The following TRAPPC9 variants were observed in gnomAD, a reference collection of about 807,000 sequenced individuals.
TRAPPC9 encodes trafficking protein particle complex subunit 9, also known as IKK2 binding protein.
A neutral mutation model predicts 124.0 loss-of-function variants in TRAPPC9; 83 were observed. The observed-to-expected ratio is 0.67, with a 90% confidence interval of 0.56 to 0.80. The LOEUF (loss-of-function observed/expected upper bound fraction) is 0.80, where lower values mean the gene tolerates loss of function less well. Among genes scored for constraint, TRAPPC9 ranks in the 30% least tolerant of loss-of-function variants. The probability of loss-of-function intolerance (pLI) is 0.00; values close to 1 mark genes in which losing one functional copy is unlikely to be tolerated. For synonymous variants in TRAPPC9, 638 were observed against 617.5 expected (o/e 1.03, Z -0.49); for missense variants, 1,302 against 1,508.3 (o/e 0.86, Z 2.27).
intron 16 of TRAPPC9, among the ~76,000 whole-genome samples, chr8:140,229,624 A>G (rs1276236282): frequency 6.6e-6 from 1 of 151,600 alleles, no homozygotes; most frequent in Admixed American, 6.6e-5. Context: ...GCTGGAGTGT[A>G]GCGGCGCGAT....
chr8:140,275,819 G>C lies in TRAPPC9; in HGVS notation c.2117C>G (p.Ser706Cys). 3 of 1,610,828 alleles carry C rather than the reference G, an allele frequency of 1.9e-6. No homozygotes were observed. The highest frequency in any genetic ancestry group is 2.5e-6 in the Non-Finnish European group (3 of 1,177,102). Residue 706 changes from serine to cysteine, a missense_variant and splice_region_variant, in exon 15 of 23, where the codon TCT becomes TGT. Around this residue, in one of 3 missense-constraint regions of TRAPPC9, gnomAD observed 640 missense variants for 679.3 expected, o/e 0.94. Coordinates refer to ENST00000438773, the MANE Select transcript of TRAPPC9 (RefSeq NM_001160372.4). Reference protein sequence around the residue: ...RLQISTSLPRSAHSLQPSSGD... With the variant: ...RLQISTSLPRCAHSLQPSSGD... ...AGAAGAAGGTTGCAATGAATGTGCA[G>C]ATCTAAAATAAGAAGAAGAAATTTA...
At chr8:139,949,733 G>C (rs1020617173) in intron 19 of TRAPPC9, among the ~76,000 whole-genome samples, 5 of 152,116 alleles carry the variant, frequency 3.3e-5, no homozygotes, top group Admixed American at 3.3e-4. Context: ...GTTGCCTAGG[G>C]CTGGGGGTGG....
At position 140,450,946 on chromosome 8, in the gene TRAPPC9, G is replaced by A. The variant is rs776474237; in HGVS notation, c.428C>T (p.Thr143Met). Residue 143 changes from threonine (T) to methionine (M), a missense_variant, in exon 2 of 23, where the codon ACG (threonine) becomes ATG (methionine). By Grantham distance (81) the Thr-to-Met change is moderately conservative (BLOSUM62 -1). This residue lies in a region of TRAPPC9 where 657 missense variants were observed against 811.2 expected (regional missense o/e 0.81). Transcript: ENST00000438773. ...AFYPNYEDCQTVEKRIEDFIE... is the reference protein window; with the variant it reads ...AFYPNYEDCQMVEKRIEDFIE... ...GAAGTCCTCGATTCTCTTCTCCACC[G>A]TCTGGCAGTCCTCGTAGTTGGGGTA... 43 of 1,614,016 alleles carry A rather than the reference G, an allele frequency of 2.7e-5. No individual in the cohort carries two copies. Among genetic ancestry groups the A allele is most frequent in the Admixed American group, 6.7e-5 (4 of 59,992 alleles).
intron 20 of TRAPPC9, among the ~76,000 whole-genome samples, chr8:139,888,879 G>C (rs1484863459): frequency 6.6e-6 from 1 of 152,148 alleles, no homozygotes; most frequent in African/African-American, 2.4e-5. Flanking sequence ...TAGGGTTATG[G>C]AGCTGACTGT....
Position 140,228,542 on chromosome 8 carries a change from T to C in TRAPPC9, c.2432-6959A>G, listed in dbSNP as rs80260509. Among the ~76,000 whole-genome samples, 639 of 152,342 alleles carry C rather than the reference T, an allele frequency of 4.2e-3. 5 individuals carry two copies. The highest frequency in any genetic ancestry group is 0.014 in the African/African-American group (598 of 41,578). ...TCACATACTATTCAAATGGCAACAG[T>C]CCACATTCCCCATGGGCAGCCTCAC... is the stretch of plus-strand genomic sequence containing the variant. On this transcript the variant is annotated intron_variant, in intron 16 of 22. Transcript: ENST00000438773.
chr8:139,774,113 C>T (rs964587197), intron 21 of TRAPPC9, among the ~76,000 whole-genome samples: 5 of 152,202 alleles, frequency 3.3e-5, no homozygotes, highest in East Asian at 1.9e-4. Flanking sequence ...TGGACGCGGG[C>T]GAAGGCCACT....
intron 17 of TRAPPC9, among the ~76,000 whole-genome samples, chr8:140,052,834 C>G (rs759513075): frequency 6.6e-6 from 1 of 151,794 alleles, no homozygotes; most frequent in Non-Finnish European, 1.5e-5. Flanking sequence ...GTGGTCCCAG[C>G]TACCGGAGAG....
intron 11 of TRAPPC9, among the ~76,000 whole-genome samples, chr8:140,293,793 C>T (rs1274873276): frequency 6.6e-6 from 1 of 152,038 alleles, no homozygotes; most frequent in Non-Finnish European, 1.5e-5. Context: ...TGCAGCGCAC[C>T]AGCATGGCAC....
At chr8:140,061,732 G>A (rs905004455) in intron 17 of TRAPPC9, among the ~76,000 whole-genome samples, 2 of 152,210 alleles carry the variant, frequency 1.3e-5, no homozygotes, top group African/African-American at 4.8e-5. Flanking sequence ...CCAGAAGCCT[G>A]GACGGAAGGG....
At chr8:139,738,313 G>A (rs1016301056) in intron 21 of TRAPPC9, among the ~76,000 whole-genome samples, 6 of 152,226 alleles carry the variant, frequency 3.9e-5, no homozygotes, top group East Asian at 1.9e-4. Flanking sequence ...GCAACAGAAG[G>A]GGTCATGTGG....
intron 21 of TRAPPC9, among the ~76,000 whole-genome samples, chr8:139,736,266 C>A (rs2129996965): frequency 6.6e-6 from 1 of 152,322 alleles, no homozygotes; most frequent in Admixed American, 6.5e-5. Flanking sequence ...CCAACTATCC[C>A]AGTTTGCCCA....
At chr8:140,157,232 T>TCTCTTCTTTCTGTGGACCAGG (rs1365075089) in intron 17 of TRAPPC9, among the ~76,000 whole-genome samples, 1 of 16,476 alleles carries the variant, frequency 6.1e-5, no homozygotes, top group Non-Finnish European at 1.1e-4. Context: ...AAGCCTCCCT[T>TCTCTTCTTTCTGTGGACCAGG]TTCCATTCAA....
intron 17 of TRAPPC9, among the ~76,000 whole-genome samples, chr8:140,146,665 C>G (rs533667463): frequency 7.2e-5 from 11 of 152,176 alleles, no homozygotes; most frequent in Non-Finnish European, 1.3e-4. Context: ...TCCTTTAAAA[C>G]TGTGACCTCC....
At chr8:140,229,324 G>A (rs369119201) in intron 16 of TRAPPC9, among the ~76,000 whole-genome samples, 2 of 134,024 alleles carry the variant, frequency 1.5e-5, no homozygotes, top group African/African-American at 6.0e-5. Context: ...GTGCAGTGGT[G>A]TGATCTCGGC....
intron 5 of TRAPPC9, among the ~76,000 whole-genome samples, chr8:140,423,051 CTT>C (rs1333925074): frequency 6.6e-6 from 1 of 152,180 alleles, no homozygotes; most frequent in African/African-American, 2.4e-5. Flanking sequence ...GGTACAGCCA[CTT>C]TGGAAAACAA....
chr8:140,159,577 C>T (rs554674574), intron 17 of TRAPPC9, among the ~76,000 whole-genome samples: 16 of 152,256 alleles, frequency 1.1e-4, no homozygotes, highest in Admixed American at 3.9e-4. Flanking sequence ...ATAGATAATG[C>T]CAGAATGTCT....
intron 9 of TRAPPC9, among the ~76,000 whole-genome samples, chr8:140,325,938 C>G (rs989541833): frequency 6.6e-6 from 1 of 152,056 alleles, no homozygotes; most frequent in Non-Finnish European, 1.5e-5. Flanking sequence ...GCTGGCACCC[C>G]CAAAGCACTA....
chr8:140,102,503 GCACA>G (rs770555579), intron 17 of TRAPPC9, among the ~76,000 whole-genome samples: 14 of 151,682 alleles, frequency 9.2e-5, no homozygotes, highest in Non-Finnish European at 2.1e-4. Flanking sequence ...ACGCATGCAC[GCACA>G]CACACAGACA....
At chr8:140,280,327 C>T (rs898787304) in intron 14 of TRAPPC9, among the ~76,000 whole-genome samples, 1 of 152,238 alleles carries the variant, frequency 6.6e-6, no homozygotes, top group Non-Finnish European at 1.5e-5. Context: ...TCTTTCTAAA[C>T]AGCATGTGCA....
Sources: allele counts gnomAD v4.1 joint callset (sites outside exome capture counted in the v4.1 genomes callset), GRCh38; gene constraint gnomAD v4.1.1; regional missense constraint gnomAD v4.1.1; transcripts MANE v1.5; gene names NCBI Gene and HGNC (gene_info 2026-07-23, HGNC 2026-07-21).